GDPD4: variants seen among roughly 807,000 people sequenced by gnomAD.
GDPD4 encodes the protein glycerophosphodiester phosphodiesterase domain containing 4.
GDPD4 carries 60 observed loss-of-function variants against 67.8 expected under a neutral mutation model. The observed-to-expected ratio is 0.88, with a 90% CI of 0.72 to 1.10. GDPD4 has a LOEUF of 1.10. Ranked by LOEUF, GDPD4 falls within the 50% of genes least tolerant of loss-of-function variation. GDPD4 has a pLI of 0.00. For missense variants in GDPD4, 623 were observed against 613.9 expected (o/e 1.01, Z -0.16); for synonymous variants, 212 against 210.9 (o/e 1.00, Z -0.04).
intron 1 of GDPD4, among the ~76,000 whole-genome samples, chr11:77,295,880 T>A (rs1034912300): frequency 6.6e-6 from 1 of 152,136 alleles, no homozygotes; most frequent in African/African-American, 2.4e-5. Context: ...ACTTACACAA[T>A]TATATGCATT....
At chr11:77,232,963 G>C (rs1958480600) in intron 14 of GDPD4, 62 bp downstream of exon 14, 5 of 1,535,202 alleles carry the variant, frequency 3.3e-6, no homozygotes, top group Non-Finnish European at 4.5e-6. Context: ...GCAACACAGG[G>C]CTGGGGGGCC....
Position 77,293,032 on chromosome 11 carries a change from C to G in GDPD4, c.-253-5612G>C, listed in dbSNP as rs1793474. 5.9e-5 allele frequency among the ~76,000 whole-genome samples: 9 copies of G among 152,028 alleles called. No individual in the cohort carries two copies. In the East Asian group the frequency reaches 1.2e-3, roughly 20 times the overall value. On this transcript the variant is annotated intron_variant, in intron 1 of 16. Transcript: ENST00000315938. ...AGAAAAAGAAAAAAAACAACAACAA[C>G]GGGTTCACTGGTGAATTCTACCAAA...
At chr11:77,218,391 C>T (rs933530033) in intron 16 of GDPD4, among the ~76,000 whole-genome samples, 8 of 151,788 alleles carry the variant, frequency 5.3e-5, no homozygotes, top group Non-Finnish European at 8.8e-5. Context: ...GGATAGTTAC[C>T]GCTCTTTTAT....
intron 5 of GDPD4, 150 bp downstream of exon 5, chr11:77,276,011 A>T: frequency 1.6e-6 from 1 of 606,580 alleles, no homozygotes; most frequent in South Asian, 2.3e-5. Flanking sequence ...ATTTCAGTTA[A>T]TATGGTGTAA....
At chr11:77,285,866 G>A (rs1032557443) in intron 2 of GDPD4, among the ~76,000 whole-genome samples, 1 of 152,176 alleles carries the variant, frequency 6.6e-6, no homozygotes, top group Non-Finnish European at 1.5e-5. Context: ...CAAAATGGAG[G>A]TTATCATTAT....
intron 16 of GDPD4, among the ~76,000 whole-genome samples, chr11:77,226,375 G>A (rs1958338048): frequency 6.6e-6 from 1 of 152,024 alleles, no homozygotes; most frequent in South Asian, 2.1e-4. Flanking sequence ...ATAAGGGTGG[G>A]GCCCTAATCC....
intron 3 of GDPD4, among the ~76,000 whole-genome samples, chr11:77,284,490 G>A (rs12294882): frequency 0.1 from 15,686 of 152,038 alleles, 2,284 homozygotes; most frequent in African/African-American, 0.33. Flanking sequence ...ATTTTTAAAA[G>A]CCCCATATCC....
rs554947007 is a variant in GDPD4 at position 77,218,658 on chromosome 11, T to G, written c.1526-1344A>C. On this transcript the variant is annotated intron_variant, in intron 16 of 16. Transcript: ENST00000315938. ...TGCGGTGTTTGGTTTTCTGTCCTTG[T>G]GATGGTTTGCTCAGAATGACGGTTT... is the stretch of plus-strand genomic sequence containing the variant. Among the ~76,000 whole-genome samples the G allele has an allele frequency of 3.2e-4, 48 of 152,272 alleles. 1 individual carries two copies. Among genetic ancestry groups the G allele is most frequent in the Admixed American group, 2.4e-3 (36 of 15,298 alleles).
At chr11:77,293,972 A>T (rs1412196026) in intron 1 of GDPD4, among the ~76,000 whole-genome samples, 1 of 152,230 alleles carries the variant, frequency 6.6e-6, no homozygotes, top group Non-Finnish European at 1.5e-5. Flanking sequence ...TGCAGACAAC[A>T]ATATTATCTA....
chr11:77,232,725 T>C (rs750892444), intron 14 of GDPD4, among the ~76,000 whole-genome samples: 2 of 152,220 alleles, frequency 1.3e-5, no homozygotes, highest in Admixed American at 6.5e-5. Flanking sequence ...AAAGATATCT[T>C]TGAGCTTCAG....
At chr11:77,227,708 T>G (rs1958369910) in intron 16 of GDPD4, among the ~76,000 whole-genome samples, 156 bp downstream of exon 16, 1 of 152,196 alleles carries the variant, frequency 6.6e-6, no homozygotes, top group Non-Finnish European at 1.5e-5. Context: ...CCAGAATCTA[T>G]GCCCAGCCTA....
At chr11:77,225,562 A>G (rs1958314393) in intron 16 of GDPD4, among the ~76,000 whole-genome samples, 1 of 152,228 alleles carries the variant, frequency 6.6e-6, no homozygotes, top group Non-Finnish European at 1.5e-5. Flanking sequence ...CTAAAAACCA[A>G]TAATAAAAGG....
chr11:77,239,222 G>T (rs1271295129), intron 13 of GDPD4, among the ~76,000 whole-genome samples: 2 of 152,172 alleles, frequency 1.3e-5, no homozygotes, highest in East Asian at 3.9e-4. Context: ...TTCAGGACAT[G>T]GCCACAACTA....
intron 14 of GDPD4, 129 bp from the exon 15 acceptor site, chr11:77,229,361 C>G: frequency 3.4e-6 from 2 of 592,854 alleles, no homozygotes; most frequent in Non-Finnish European, 6.0e-6. Context: ...GGCCAAGGAA[C>G]CTTGATTGAT....
At position 77,300,184 on chromosome 11, in the gene GDPD4, C is replaced by T. The variant is rs554067896; in HGVS notation, c.-254+1421G>A. Among the ~76,000 whole-genome samples the T allele has an allele frequency of 5.5e-4, 83 of 152,206 alleles. 2 individuals carry two copies. The highest frequency in any genetic ancestry group is 1.0e-3 in the Non-Finnish European group (68 of 67,998). On this transcript the variant is annotated intron_variant, in intron 1 of 16. Coordinates refer to ENST00000315938, the MANE Select transcript of GDPD4 (RefSeq NM_182833.3). ...TGATCACCTGCTCCACCCTCACTCC[C>T]GCCAAACCACTCACCCCGTCACTCT...
chr11:77,266,817 G>T (rs1959180419), intron 10 of GDPD4, among the ~76,000 whole-genome samples: 2 of 152,216 alleles, frequency 1.3e-5, no homozygotes, highest in South Asian at 4.1e-4. Flanking sequence ...TTTTTGTACA[G>T]CTGTACAATG....
chr11:77,263,940 C>T (rs1176859647), intron 10 of GDPD4, among the ~76,000 whole-genome samples: 3 of 152,144 alleles, frequency 2.0e-5, no homozygotes, highest in Non-Finnish European at 4.4e-5. Flanking sequence ...TGGGATCTTT[C>T]AATCTAACTC....
At chr11:77,252,152 C>T (rs751461529) in intron 11 of GDPD4, among the ~76,000 whole-genome samples, 2 of 151,256 alleles carry the variant, frequency 1.3e-5, no homozygotes, top group Non-Finnish European at 2.9e-5. Context: ...CAACCTCCCC[C>T]TCCCGGGTTC....
chr11:77,268,409 A>G, intron 10 of GDPD4, 48 bp downstream of exon 10: 2 of 1,319,062 alleles, frequency 1.5e-6, no homozygotes, highest in Non-Finnish European at 2.2e-6. Context: ...CTTGCATGGC[A>G]TTGAACTTAT....
Sources: gnomAD v4.1 joint callset for allele counts (sites outside exome capture counted in the v4.1 genomes callset) on GRCh38, gnomAD v4.1.1 for gene constraint, MANE v1.5 for transcripts, NCBI Gene and HGNC (gene_info 2026-07-23, HGNC 2026-07-21) for gene names.